The following ADGRL3 variants were observed in gnomAD, a reference collection of about 807,000 sequenced individuals.
The protein encoded by ADGRL3 is adhesion G protein-coupled receptor L3, also known as calcium-independent alpha-latrotoxin receptor 3.
In ADGRL3, 62 loss-of-function variants were observed where a neutral mutation model predicts 153.5. The ratio of observed to expected loss-of-function variants is 0.40; its 90% CI spans 0.33 to 0.50. The LOEUF is 0.50. Among genes scored for constraint, ADGRL3 ranks in the 20% least tolerant of loss-of-function variants. ADGRL3 has a pLI of 0.47. For synonymous variants in ADGRL3, 710 were observed against 672.5 expected, an observed-to-expected ratio of 1.06 and a Z score of -0.86; for missense variants, 1,641 against 1,859.4, an observed-to-expected ratio of 0.88 and a Z score of 2.16.
intron 1 of ADGRL3, among the ~76,000 whole-genome samples, chr4:61,302,741 G>T (rs2094620409): frequency 6.6e-6 from 1 of 152,040 alleles, no homozygotes; most frequent in African/African-American, 2.4e-5. Flanking sequence ...TAAAAACCAA[G>T]TACCCGAGTT....
chr4:61,375,509 CT>C (rs968263562), intron 1 of ADGRL3, among the ~76,000 whole-genome samples: 6 of 152,080 alleles, frequency 3.9e-5, no homozygotes, highest in African/African-American at 1.2e-4. Context: ...GTTACTCTGA[CT>C]TACACTGTCC....
At chr4:61,854,447 A>G (rs1314374421) in intron 9 of ADGRL3, among the ~76,000 whole-genome samples, 1 of 152,214 alleles carries the variant, frequency 6.6e-6, no homozygotes, top group Non-Finnish European at 1.5e-5. Context: ...TCAAACTAAA[A>G]GATCTCTCAT....
At chr4:61,329,713 T>G (rs1171453484) in intron 1 of ADGRL3, among the ~76,000 whole-genome samples, 1 of 152,118 alleles carries the variant, frequency 6.6e-6, no homozygotes, top group Non-Finnish European at 1.5e-5. Flanking sequence ...TAGTATACAG[T>G]TTTGTGTTGT....
At chr4:61,821,251 A>C (rs956792553) in intron 9 of ADGRL3, among the ~76,000 whole-genome samples, 7 of 151,346 alleles carry the variant, frequency 4.6e-5, no homozygotes, top group Non-Finnish European at 1.0e-4. Flanking sequence ...CATACTAATG[A>C]TGCTATTTTG....
intron 1 of ADGRL3, among the ~76,000 whole-genome samples, chr4:61,291,611 C>CATAT (rs1352050467): frequency 1.0e-3 from 10 of 9,642 alleles, no homozygotes; most frequent in African/African-American, 1.5e-3. Flanking sequence ...TATACACACA[C>CATAT]ATATATATAT....
At chr4:61,911,595 T>C (rs1028444528) in intron 12 of ADGRL3, among the ~76,000 whole-genome samples, 8 of 152,162 alleles carry the variant, frequency 5.3e-5, no homozygotes, top group Admixed American at 2.6e-4. Flanking sequence ...AATCGTGCTC[T>C]GTATTGAAAT....
At chr4:61,382,547 A>G (rs1244424046) in intron 1 of ADGRL3, among the ~76,000 whole-genome samples, 1 of 151,794 alleles carries the variant, frequency 6.6e-6, no homozygotes, top group Non-Finnish European at 1.5e-5. Flanking sequence ...GCCTCTATAA[A>G]TCTTTCATTT....
intron 1 of ADGRL3, among the ~76,000 whole-genome samples, chr4:61,342,999 AAG>A (rs1174809908): frequency 6.6e-6 from 1 of 152,204 alleles, no homozygotes; most frequent in Non-Finnish European, 1.5e-5. Flanking sequence ...GCAGCAGACA[AAG>A]AGAGAAAAAT....
intron 1 of ADGRL3, among the ~76,000 whole-genome samples, chr4:61,237,662 A>G (rs1349307414): frequency 6.6e-6 from 1 of 152,232 alleles, no homozygotes; most frequent in Non-Finnish European, 1.5e-5. Flanking sequence ...AACAATTAAT[A>G]CAATTGAGCT....
At chr4:61,421,641 T>A (rs2097208689) in intron 2 of ADGRL3, among the ~76,000 whole-genome samples, 2 of 152,192 alleles carry the variant, frequency 1.3e-5, no homozygotes, top group Non-Finnish European at 2.9e-5. Context: ...CAACATGATT[T>A]AATTTTATGA....
chr4:61,246,304 G>A (rs1415216376), intron 1 of ADGRL3, among the ~76,000 whole-genome samples: 1 of 151,998 alleles, frequency 6.6e-6, no homozygotes, highest in African/African-American at 2.4e-5. Context: ...TGTAACAGGT[G>A]ATCAGGGAAG....
intron 1 of ADGRL3, among the ~76,000 whole-genome samples, chr4:61,213,337 T>G (rs1396752295): frequency 2.6e-5 from 4 of 152,150 alleles, no homozygotes; most frequent in Admixed American, 2.0e-4. Flanking sequence ...GAATTTTTCC[T>G]CCACATACAT....
chr4:61,629,990 C>T (rs1158949940), intron 5 of ADGRL3, among the ~76,000 whole-genome samples: 2 of 152,044 alleles, frequency 1.3e-5, no homozygotes, highest in Non-Finnish European at 2.9e-5. Context: ...CCCAGTACTT[C>T]TATTTTAACA....
chr4:61,350,047 A>C (rs1279147903), intron 1 of ADGRL3, among the ~76,000 whole-genome samples: 1 of 152,192 alleles, frequency 6.6e-6, no homozygotes, highest in Admixed American at 6.5e-5. Flanking sequence ...ATTATTTGAA[A>C]GTTCATTAAT....
intron 5 of ADGRL3, among the ~76,000 whole-genome samples, chr4:61,632,703 T>C (rs142092337): frequency 6.6e-6 from 1 of 152,314 alleles, no homozygotes; most frequent in African/African-American, 2.4e-5. Flanking sequence ...TTACTAAGTG[T>C]AATTACAATA....
rs776857106 is a variant in ADGRL3, at chr4:61,814,275, AT to A, written c.1480+393del. On this transcript the variant is annotated intron_variant, in intron 9 of 26. Coordinates refer to ENST00000683033, the MANE Select transcript of ADGRL3 (RefSeq NM_001387552.1). ...GTCTTAATCTAAATCATATTGACAGATTTTTTTCCCCTGAAAAGTAATATTT... is the reference window on the plus strand; with the variant it reads ...GTCTTAATCTAAATCATATTGACAGATTTTTTCCCCTGAAAAGTAATATTT... 4.7e-4 allele frequency among the ~76,000 whole-genome samples: 71 copies of A among 150,040 alleles called. 1 individual carries two copies. The highest frequency in any genetic ancestry group is 1.3e-3 in the African/African-American group (54 of 40,850).
intron 4 of ADGRL3, among the ~76,000 whole-genome samples, chr4:61,543,662 T>G (rs1359918190): frequency 2.0e-5 from 3 of 152,210 alleles, no homozygotes; most frequent in African/African-American, 7.2e-5. Flanking sequence ...TAACGTTTAT[T>G]CTTCCAGTCT....
intron 9 of ADGRL3, among the ~76,000 whole-genome samples, chr4:61,817,501 C>T (rs111273193): frequency 0.011 from 1,617 of 152,238 alleles, 16 homozygotes; most frequent in Non-Finnish European, 0.017. Context: ...AGTCTCCTCT[C>T]CACTGAGAGC....
At chr4:61,774,435 C>G in intron 8 of ADGRL3, among the ~76,000 whole-genome samples, 1 of 148,610 alleles carries the variant, frequency 6.7e-6, no homozygotes, top group South Asian at 2.2e-4. Flanking sequence ...AAAAATAATA[C>G]GATTTTTTAG....
Sources: allele counts gnomAD v4.1 joint callset (sites outside exome capture counted in the v4.1 genomes callset), GRCh38; gene constraint gnomAD v4.1.1; transcripts MANE v1.5; gene names NCBI Gene and HGNC (gene_info 2026-07-23, HGNC 2026-07-21).